Variants in FAM13A observed in about 807,000 individuals in gnomAD.
FAM13A encodes the protein protein FAM13A.
FAM13A carries 76 observed loss-of-function variants against 129.6 expected under a neutral mutation model. The ratio of observed to expected loss-of-function variants is 0.59; its 90% confidence interval spans 0.49 to 0.71. The LOEUF (loss-of-function observed/expected upper bound fraction) is 0.71, where lower values mean the gene tolerates loss of function less well. Among genes scored for constraint, FAM13A ranks in the 30% least tolerant of loss-of-function variants. FAM13A has a pLI of 0.00. For synonymous variants in FAM13A, 443 were observed against 449.9 expected (o/e 0.98, Z 0.20); for missense variants, 1,108 against 1,249.3 (o/e 0.89, Z 1.70).
At chr4:88,809,868 C>CTT (rs201439229) in intron 7 of FAM13A, among the ~76,000 whole-genome samples, 2 of 137,200 alleles carry the variant, frequency 1.5e-5, no homozygotes, top group African/African-American at 2.7e-5. Context: ...TCCCGGTGGG[C>CTT]TTTTTTTTTT....
chr4:88,911,209 T>C (rs1314336978), intron 5 of FAM13A, among the ~76,000 whole-genome samples: 1 of 152,224 alleles, frequency 6.6e-6, no homozygotes, highest in Non-Finnish European at 1.5e-5. Context: ...CCTTAATTTC[T>C]TTCCTCCAGT....
chr4:88,791,202 G>A (rs1363648745), intron 8 of FAM13A, among the ~76,000 whole-genome samples: 4 of 151,544 alleles, frequency 2.6e-5, no homozygotes, highest in Non-Finnish European at 5.9e-5. Flanking sequence ...TCTCAGGATG[G>A]AAAGCATCTC....
At chr4:88,919,272 C>T (rs1750613863) in intron 5 of FAM13A, among the ~76,000 whole-genome samples, 1 of 152,166 alleles carries the variant, frequency 6.6e-6, no homozygotes, top group Non-Finnish European at 1.5e-5. Flanking sequence ...TTGCCATGTA[C>T]AGCAGTCAGC....
At chr4:88,942,317 A>T (rs1437490848) in intron 4 of FAM13A, among the ~76,000 whole-genome samples, 1 of 152,164 alleles carries the variant, frequency 6.6e-6, no homozygotes, top group Non-Finnish European at 1.5e-5. Flanking sequence ...CTATAATCTC[A>T]GCACTTTGGG....
intron 6 of FAM13A, among the ~76,000 whole-genome samples, chr4:88,889,262 G>A (rs1170661892): frequency 6.6e-6 from 1 of 152,138 alleles, no homozygotes; most frequent in Non-Finnish European, 1.5e-5. Context: ...GTTGAGTGTG[G>A]TTATGCTGTC....
chr4:88,826,417 C>T (rs147126470), intron 7 of FAM13A, among the ~76,000 whole-genome samples: 1 of 152,158 alleles, frequency 6.6e-6, no homozygotes, highest in East Asian at 1.9e-4. Context: ...TAAGTCCTGC[C>T]ATCTGGGCTG....
At chr4:88,733,940 T>G (rs1396145188) in intron 21 of FAM13A, among the ~76,000 whole-genome samples, 1 of 152,234 alleles carries the variant, frequency 6.6e-6, no homozygotes, top group Non-Finnish European at 1.5e-5. Flanking sequence ...TTGCACATAG[T>G]GAGCACTCAA....
At chr4:88,886,057 C>T (rs1319893535) in intron 6 of FAM13A, among the ~76,000 whole-genome samples, 1 of 151,678 alleles carries the variant, frequency 6.6e-6, no homozygotes, top group Non-Finnish European at 1.5e-5. Context: ...AACACTTTTA[C>T]ACTGCTGGTG....
chr4:88,961,368 T>C (rs1579512470), intron 4 of FAM13A, among the ~76,000 whole-genome samples: 1 of 108,586 alleles, frequency 9.2e-6, no homozygotes, highest in Admixed American at 9.3e-5. Flanking sequence ...TTTTTTTTTT[T>C]TTTTTTTTTT....
At chr4:89,049,709 T>A (rs1194253850) in intron 1 of FAM13A, among the ~76,000 whole-genome samples, 2 of 152,144 alleles carry the variant, frequency 1.3e-5, no homozygotes, top group Non-Finnish European at 2.9e-5. Flanking sequence ...CAGGCTGGAG[T>A]GCAGTGGTGC....
intron 6 of FAM13A, among the ~76,000 whole-genome samples, chr4:88,870,503 G>C (rs2869964): frequency 1.3e-5 from 2 of 152,146 alleles, no homozygotes; most frequent in African/African-American, 4.8e-5. Context: ...GCTTGGGGGG[G>C]GTCCCGCGCC....
intron 5 of FAM13A, among the ~76,000 whole-genome samples, chr4:88,927,202 T>TA (rs1325261610): frequency 3.7e-5 from 5 of 135,528 alleles, no homozygotes; most frequent in Admixed American, 7.3e-5. Context: ...CCTATGTATA[T>TA]TTTTTTTTTT....
At chr4:88,979,263 G>A (rs1761328745) in intron 4 of FAM13A, among the ~76,000 whole-genome samples, 1 of 152,226 alleles carries the variant, frequency 6.6e-6, no homozygotes, top group Admixed American at 6.5e-5. Context: ...GCATGAACTG[G>A]TGTGACCTTT....
intron 1 of FAM13A, among the ~76,000 whole-genome samples, chr4:89,034,742 T>C (rs1769143541): frequency 6.6e-6 from 1 of 151,902 alleles, no homozygotes; most frequent in Non-Finnish European, 1.5e-5. Flanking sequence ...ATTAGCCAGG[T>C]GTGGTGGTGG....
In FAM13A at chr4:88,840,374, A is replaced by G. The variant is rs1300642452; in HGVS notation, c.1007+10646T>C. Among the ~76,000 whole-genome samples, 3 of 152,186 alleles carry G rather than the reference A, an allele frequency of 2.0e-5. No homozygotes were observed. The East Asian group carries it at 5.8e-4, about 29-fold the overall frequency. On this transcript the variant is annotated intron_variant, in intron 7 of 23. Transcript: ENST00000264344. ...AGATTTGCTCCAACGGAGAAGAGGA[A>G]TATGGTTTCTAGAGAGGGATTACAA...
chr4:88,860,087 T>A (rs1175648004), intron 6 of FAM13A, among the ~76,000 whole-genome samples: 1 of 152,220 alleles, frequency 6.6e-6, no homozygotes, highest in Non-Finnish European at 1.5e-5. Context: ...AGTTTTTCCT[T>A]ACAGGTTTCT....
intron 11 of FAM13A, among the ~76,000 whole-genome samples, chr4:88,770,206 G>A (rs957694505): frequency 1.6e-4 from 25 of 152,100 alleles, no homozygotes; most frequent in African/African-American, 6.0e-4. Context: ...GTTAGAAGAG[G>A]CCTTTATAAA....
At chr4:89,011,610 T>C (rs1765744448) in intron 3 of FAM13A, among the ~76,000 whole-genome samples, 1 of 152,160 alleles carries the variant, frequency 6.6e-6, no homozygotes, top group Non-Finnish European at 1.5e-5. Flanking sequence ...CAAGACCCTA[T>C]ACCACCTAAC....
At chr4:88,883,471 T>C (rs979809586) in intron 6 of FAM13A, among the ~76,000 whole-genome samples, 1 of 152,064 alleles carries the variant, frequency 6.6e-6, no homozygotes, top group African/African-American at 2.4e-5. Context: ...TCAATGATAA[T>C]AGTGACACAA....
Sources: allele counts gnomAD v4.1 joint callset (sites outside exome capture counted in the v4.1 genomes callset), GRCh38; gene constraint gnomAD v4.1.1; transcripts MANE v1.5; gene names NCBI Gene and HGNC (gene_info 2026-07-23, HGNC 2026-07-21).